CNTN5: variants seen among roughly 807,000 people sequenced by gnomAD.
CNTN5 encodes the protein contactin-5.
CNTN5 carries 77 observed loss-of-function variants against 129.1 expected under a neutral mutation model. The ratio of observed to expected loss-of-function variants is 0.60; its 90% CI spans 0.50 to 0.72. The LOEUF (loss-of-function observed/expected upper bound fraction) is 0.72. CNTN5 is among the 30% of genes least tolerant of loss of function. The pLI is 0.00. For synonymous variants in CNTN5, 509 were observed against 465.6 expected (o/e 1.09, Z -1.20); for missense variants, 1,478 against 1,328.8 (o/e 1.11, Z -1.75).
At position 99,477,766 on chromosome 11, in the gene CNTN5, A is replaced by T. The variant is rs1945433071; in HGVS notation, c.-70-78379A>T. ...GGAATTCAAGACCAACCTGGCCAAT[A>T]TAGTGAGACCCCATCTCTAAAAAAA... is the stretch of plus-strand genomic sequence containing the variant. On this transcript the variant is annotated intron_variant, in intron 2 of 24. Coordinates refer to ENST00000524871, the MANE Select transcript of CNTN5 (RefSeq NM_014361.4). 2.0e-5 allele frequency among the ~76,000 whole-genome samples: 3 copies of T among 151,616 alleles called. No homozygotes were observed. In the South Asian group the frequency reaches 6.2e-4, roughly 32 times the overall value.
chr11:99,056,981 C>T (rs1398591703), intron 1 of CNTN5, among the ~76,000 whole-genome samples: 1 of 151,830 alleles, frequency 6.6e-6, no homozygotes, highest in Non-Finnish European at 1.5e-5. Flanking sequence ...TCTCTTTGTT[C>T]TCAACTCACC....
chr11:100,011,490 G>A (rs1296761323), intron 9 of CNTN5, among the ~76,000 whole-genome samples: 1 of 152,004 alleles, frequency 6.6e-6, no homozygotes, highest in South Asian at 2.1e-4. Flanking sequence ...TGCTCTTGCA[G>A]CCATTAACAC....
At chr11:99,384,414 TAG>T (rs1231871689) in intron 2 of CNTN5, among the ~76,000 whole-genome samples, 1 of 152,220 alleles carries the variant, frequency 6.6e-6, no homozygotes, top group Non-Finnish European at 1.5e-5. Context: ...TTTACTTTTC[TAG>T]ATCTGATTGA....
chr11:99,644,400 C>T (rs1951875237), intron 3 of CNTN5, among the ~76,000 whole-genome samples: 1 of 152,070 alleles, frequency 6.6e-6, no homozygotes, highest in South Asian at 2.1e-4. Context: ...AGGAAGCAAA[C>T]AGTAGAACCA....
intron 7 of CNTN5, among the ~76,000 whole-genome samples, chr11:99,938,581 A>T (rs1430384275): frequency 6.6e-6 from 1 of 152,124 alleles, no homozygotes; most frequent in Non-Finnish European, 1.5e-5. Flanking sequence ...TATTAATTCA[A>T]TACCAGTTGA....
intron 3 of CNTN5, among the ~76,000 whole-genome samples, chr11:99,622,770 G>T (rs895490101): frequency 2.0e-5 from 3 of 151,750 alleles, no homozygotes; most frequent in African/African-American, 7.3e-5. Context: ...TTATACACAT[G>T]ACTTTTGCTA....
At position 100,070,455 on chromosome 11, in the gene CNTN5, T is replaced by C; in HGVS notation, c.1194T>C (p.Asp398=). ...CACACTGGGTAGAAAAACTGAATGA[T>C]ACTCAGTTAGACAGTGGGAGCCCTC... The part of the protein sequence containing the change: ...TYPHWVEKLN[D]TQLDSGSPLR... The change falls in exon 11 of 25, where the codon GAT becomes GAC. Residue 398 remains aspartate, a synonymous_variant. Coordinates refer to ENST00000524871, the MANE Select transcript of CNTN5 (RefSeq NM_014361.4). 3.7e-6 allele frequency: 6 copies of C among 1,611,896 alleles called. No individual in the cohort carries two copies. The highest frequency in any genetic ancestry group is 5.1e-6 in the Non-Finnish European group (6 of 1,178,618).
chr11:99,067,884 A>G (rs1865168119), intron 1 of CNTN5, among the ~76,000 whole-genome samples: 1 of 152,126 alleles, frequency 6.6e-6, no homozygotes, highest in South Asian at 2.1e-4. Flanking sequence ...CAGAATCCCC[A>G]TGCAGCAAGA....
chr11:99,340,288 A>G (rs555590333), intron 2 of CNTN5, among the ~76,000 whole-genome samples: 61 of 152,322 alleles, frequency 4.0e-4, no homozygotes, highest in African/African-American at 1.4e-3. Context: ...AGCAGGACAT[A>G]TAAATTTGGA....
intron 1 of CNTN5, among the ~76,000 whole-genome samples, chr11:99,164,124 A>C (rs1033089827): frequency 2.0e-5 from 3 of 152,016 alleles, no homozygotes; most frequent in Non-Finnish European, 4.4e-5. Flanking sequence ...TTAGGAGTTC[A>C]AGACCAGCCT....
intron 2 of CNTN5, among the ~76,000 whole-genome samples, chr11:99,347,683 C>A (rs910342663): frequency 1.3e-5 from 2 of 151,656 alleles, no homozygotes; most frequent in Non-Finnish European, 2.9e-5. Flanking sequence ...GTTTAGTATG[C>A]GTTATTTGCA....
At chr11:99,327,017 C>G (rs181485859) in intron 2 of CNTN5, among the ~76,000 whole-genome samples, 1 of 152,218 alleles carries the variant, frequency 6.6e-6, no homozygotes, top group Non-Finnish European at 1.5e-5. Context: ...ACATTTTGTT[C>G]TTAACTCATA....
intron 7 of CNTN5, among the ~76,000 whole-genome samples, chr11:99,953,205 G>C (rs1950717521): frequency 6.6e-6 from 1 of 152,002 alleles, no homozygotes; most frequent in Non-Finnish European, 1.5e-5. Flanking sequence ...GAGCATCATT[G>C]TCCACATGTG....
chr11:99,140,047 A>G (rs533247854), intron 1 of CNTN5, among the ~76,000 whole-genome samples: 1 of 152,290 alleles, frequency 6.6e-6, no homozygotes, highest in East Asian at 1.9e-4. Context: ...AAACAACATT[A>G]ATTTTGAATA....
chr11:99,580,291 C>CT (rs898475741), intron 3 of CNTN5, among the ~76,000 whole-genome samples: 13 of 152,012 alleles, frequency 8.6e-5, no homozygotes, highest in African/African-American at 1.4e-4. Context: ...CTAAAATTCT[C>CT]TTTTTTTGTT....
At chr11:99,290,921 T>C (rs1460218754) in intron 1 of CNTN5, among the ~76,000 whole-genome samples, 5 of 151,916 alleles carry the variant, frequency 3.3e-5, no homozygotes, top group African/African-American at 1.2e-4. Flanking sequence ...ACTATTGTTA[T>C]AGCATAACTG....
At chr11:99,461,037 T>C (rs1166396963) in intron 2 of CNTN5, among the ~76,000 whole-genome samples, 1 of 152,114 alleles carries the variant, frequency 6.6e-6, no homozygotes, top group Non-Finnish European at 1.5e-5. Context: ...CACAACAGAA[T>C]ATTACTCAGC....
At chr11:99,102,436 CTG>C (rs1866782736) in intron 1 of CNTN5, among the ~76,000 whole-genome samples, 2 of 152,064 alleles carry the variant, frequency 1.3e-5, no homozygotes, top group African/African-American at 4.8e-5. Context: ...TTCAAACTTG[CTG>C]TGTTTCCCTT....
intron 2 of CNTN5, among the ~76,000 whole-genome samples, chr11:99,330,178 G>GGAGGAGGGAGGC (rs1865944176): frequency 6.6e-6 from 1 of 150,442 alleles, no homozygotes; most frequent in Admixed American, 6.7e-5. Flanking sequence ...GGGAGGGGAG[G>GGAGGAGGGAGGC]GAGGAGGGAG....
Sources: gnomAD v4.1 joint callset for allele counts (sites outside exome capture counted in the v4.1 genomes callset) on GRCh38, gnomAD v4.1.1 for gene constraint, MANE v1.5 for transcripts, NCBI Gene and HGNC (gene_info 2026-07-23, HGNC 2026-07-21) for gene names.